The following MCF2L2 variants were observed in gnomAD, a reference collection of about 807,000 sequenced individuals.
MCF2L2 encodes the protein probable guanine nucleotide exchange factor MCF2L2.
MCF2L2 carries 102 observed loss-of-function variants against 150.2 expected under a neutral mutation model. The observed-to-expected ratio is 0.68, with a 90% CI of 0.58 to 0.80. The LOEUF (loss-of-function observed/expected upper bound fraction) is 0.80, where lower values mean the gene tolerates loss of function less well. MCF2L2 is among the 30% of genes least tolerant of loss of function. MCF2L2 has a pLI of 0.00. For missense variants in MCF2L2, 1,256 were observed against 1,372.8 expected (o/e 0.91, Z 1.34); for synonymous variants, 465 against 491.3 (o/e 0.95, Z 0.71).
At chr3:183,363,425 C>A (rs979658772) in intron 3 of MCF2L2, among the ~76,000 whole-genome samples, 1 of 152,026 alleles carries the variant, frequency 6.6e-6, no homozygotes, top group Non-Finnish European at 1.5e-5. Context: ...ATGATGCAGA[C>A]GAATGGAAAA....
chr3:183,205,693 C>T (rs1270936158), intron 25 of MCF2L2, among the ~76,000 whole-genome samples, 183 bp downstream of exon 25: 4 of 152,108 alleles, frequency 2.6e-5, no homozygotes, highest in Admixed American at 2.6e-4. Context: ...CACACAATCA[C>T]ACAACCCCTC....
At chr3:183,302,514 T>C (rs1280099569) in intron 10 of MCF2L2, among the ~76,000 whole-genome samples, 3 of 152,014 alleles carry the variant, frequency 2.0e-5, no homozygotes, top group Admixed American at 6.6e-5. Flanking sequence ...GGGGGTTCCA[T>C]AGCCGGGGTG....
Position 183,193,014 on chromosome 3 carries a change from T to C in MCF2L2, c.3001A>G (p.Thr1001Ala). 3 of 1,614,080 alleles carry C rather than the reference T, an allele frequency of 1.9e-6. No individual in the cohort carries two copies. Among genetic ancestry groups the C allele is most frequent in the Non-Finnish European group, 2.5e-6 (3 of 1,179,906 alleles). The change falls in exon 27 of 30, where the codon ACA becomes GCA. Residue 1001 changes from threonine (T) to alanine (A), a missense_variant. By Grantham distance (58) the Thr-to-Ala change is moderately conservative (BLOSUM62 0). Transcript: ENST00000328913. The stretch of plus-strand genomic sequence containing the variant: ...CCCTCCCTACCTTTAATCCCTCCTG[T>C]GCTGGAGGCCGGGTCTTCCTTGCTA... Reference protein sequence around the residue: ...TTSKEDPASSTGGIKGCSSRE... With the variant: ...TTSKEDPASSAGGIKGCSSRE...
At chr3:183,418,999 C>A (rs1169115279) in intron 1 of MCF2L2, among the ~76,000 whole-genome samples, 1 of 152,236 alleles carries the variant, frequency 6.6e-6, no homozygotes, top group East Asian at 1.9e-4. Context: ...GAGGGCTCTG[C>A]CCCTGCAGCA....
intron 8 of MCF2L2, 67 bp downstream of exon 8, chr3:183,311,581 G>C (rs1560015778): frequency 1.9e-6 from 3 of 1,572,888 alleles, no homozygotes; most frequent in Admixed American, 1.7e-5. Flanking sequence ...TCTGTTCTTG[G>C]TTGCTCCAGA....
intron 25 of MCF2L2, among the ~76,000 whole-genome samples, chr3:183,195,551 A>C (rs915315318): frequency 6.6e-6 from 1 of 152,136 alleles, no homozygotes; most frequent in Non-Finnish European, 1.5e-5. Flanking sequence ...ATACTGAATT[A>C]AGGAATAAAC....
intron 10 of MCF2L2, 132 bp from the exon 11 acceptor site, chr3:183,300,328 C>G: frequency 1.2e-6 from 1 of 800,732 alleles, no homozygotes; most frequent in Non-Finnish European, 1.9e-6. Context: ...GCTGGAGAAC[C>G]TGAGAAAGCT....
At chr3:183,245,373 G>T (rs916312648) in intron 15 of MCF2L2, among the ~76,000 whole-genome samples, 1 of 152,178 alleles carries the variant, frequency 6.6e-6, no homozygotes, top group Non-Finnish European at 1.5e-5. Context: ...AACTCCAGCA[G>T]GGGCTGGAGT....
chr3:183,222,552 A>AAAAG (rs1184262552), intron 20 of MCF2L2, among the ~76,000 whole-genome samples: 2 of 152,186 alleles, frequency 1.3e-5, no homozygotes, highest in Non-Finnish European at 2.9e-5. Flanking sequence ...GTCTCAAAAA[A>AAAAG]AAAGAAAGAA....
chr3:183,251,260 CT>C (rs1326706204), intron 15 of MCF2L2, among the ~76,000 whole-genome samples: 6 of 152,212 alleles, frequency 3.9e-5, no homozygotes, highest in African/African-American at 1.4e-4. Context: ...GATACTGCTG[CT>C]ACACTTCAGC....
intron 25 of MCF2L2, among the ~76,000 whole-genome samples, chr3:183,195,563 GT>G (rs1283001366): frequency 1.3e-5 from 2 of 152,120 alleles, no homozygotes; most frequent in Non-Finnish European, 2.9e-5. Context: ...GGAATAAACA[GT>G]GCTCAAATGC....
At chr3:183,224,357 A>G (rs1723269309) in intron 18 of MCF2L2, 167 bp from the exon 19 acceptor site, 1 of 570,422 alleles carries the variant, frequency 1.8e-6, no homozygotes, top group Non-Finnish European at 3.1e-6. Flanking sequence ...TGATGGAGAG[A>G]TAAACAGAAG....
At chr3:183,374,935 T>A (rs923212136) in intron 3 of MCF2L2, 3 of 152,216 alleles carry the variant, frequency 2.0e-5, no homozygotes, top group Non-Finnish European at 4.4e-5. Context: ...TTCAGCTCCA[T>A]CTTGAGAGTA....
At chr3:183,238,780 G>A (rs903322577) in intron 15 of MCF2L2, among the ~76,000 whole-genome samples, 1 of 150,742 alleles carries the variant, frequency 6.6e-6, no homozygotes, top group Non-Finnish European at 1.5e-5. Flanking sequence ...GGCGGATCAC[G>A]AGGTCAGGAG....
intron 15 of MCF2L2, among the ~76,000 whole-genome samples, chr3:183,276,108 T>C (rs936181730): frequency 1.3e-5 from 2 of 152,206 alleles, no homozygotes; most frequent in Non-Finnish European, 2.9e-5. Flanking sequence ...ACATGCTGAA[T>C]TGGGCCATTC....
chr3:183,203,380 T>C (rs902347788), intron 25 of MCF2L2, among the ~76,000 whole-genome samples: 1 of 152,080 alleles, frequency 6.6e-6, no homozygotes, highest in Non-Finnish European at 1.5e-5. Flanking sequence ...ATAGAAAATA[T>C]AAAGATTTGT....
At chr3:183,362,470 T>C (rs574633562) in intron 3 of MCF2L2, among the ~76,000 whole-genome samples, 3 of 152,072 alleles carry the variant, frequency 2.0e-5, no homozygotes, top group Non-Finnish European at 2.9e-5. Flanking sequence ...ATCAGGGCAC[T>C]GACTAGAGAA....
intron 23 of MCF2L2, among the ~76,000 whole-genome samples, chr3:183,207,381 T>C (rs1000885254): frequency 2.6e-5 from 4 of 152,154 alleles, no homozygotes; most frequent in Non-Finnish European, 5.9e-5. Context: ...CTGGCTGCCA[T>C]ATAGTCTTTT....
chr3:183,389,413 G>A (rs927488982), intron 2 of MCF2L2, among the ~76,000 whole-genome samples: 29 of 152,154 alleles, frequency 1.9e-4, no homozygotes, highest in African/African-American at 7.0e-4. Context: ...GTCAGTAGTT[G>A]TCTCTTTTTC....
Sources: allele counts gnomAD v4.1 joint callset (sites outside exome capture counted in the v4.1 genomes callset), GRCh38; gene constraint gnomAD v4.1.1; transcripts MANE v1.5; gene names NCBI Gene and HGNC (gene_info 2026-07-23, HGNC 2026-07-21).